ST18: variants seen among roughly 807,000 people sequenced by gnomAD.
ST18 encodes suppression of tumorigenicity 18 protein.
Under a neutral mutation model 110.0 loss-of-function variants are expected in ST18, and 50 were observed. The observed-to-expected ratio is 0.45, with a 90% CI of 0.36 to 0.58. The LOEUF (loss-of-function observed/expected upper bound fraction) is 0.58. Ranked by LOEUF, ST18 falls within the 20% of genes least tolerant of loss-of-function variation. The probability of loss-of-function intolerance (pLI) is 0.00; values close to 1 mark genes in which losing one functional copy is unlikely to be tolerated. For synonymous variants in ST18, 461 were observed against 452.4 expected (o/e 1.02, Z -0.24); for missense variants, 1,306 against 1,280.1 (o/e 1.02, Z -0.31).
At chr8:52,229,230 A>G (rs2090559702) in intron 3 of ST18, among the ~76,000 whole-genome samples, 1 of 152,204 alleles carries the variant, frequency 6.6e-6, no homozygotes, top group Non-Finnish European at 1.5e-5. Context: ...TGCTGCCATA[A>G]CAAATTTTTA....
Position 52,164,035 on chromosome 8 carries a change from T to G in ST18, c.1351A>C (p.Asn451His). 1 of 1,614,064 alleles carries G rather than the reference T, an allele frequency of 6.2e-7. No individual in the cohort carries two copies. Among genetic ancestry groups the G allele is most frequent in the South Asian group, 1.1e-5 (1 of 91,070 alleles). Residue 451 changes from asparagine to histidine, a missense_variant, in exon 13 of 26, where the codon AAT becomes CAT. Physicochemically the swap from Asn to His is moderately conservative, Grantham distance 68. Coordinates refer to ENST00000689386, the MANE Select transcript of ST18 (RefSeq NM_001352837.2). ...AEKLAMSQDK[N>H]QLDSPQTGQC... ...CCAGTTTGGGGAGAATCAAGCTGATTTTTATCCTGGGACATTGCCAATTTT... is the reference window on the plus strand; with the variant it reads ...CCAGTTTGGGGAGAATCAAGCTGATGTTTATCCTGGGACATTGCCAATTTT...
At chr8:52,395,543 G>T (rs1840793902) in intron 2 of ST18, among the ~76,000 whole-genome samples, 1 of 152,190 alleles carries the variant, frequency 6.6e-6, no homozygotes, top group African/African-American at 2.4e-5. Context: ...CTAGAACCAT[G>T]TCTGGTGAAT....
intron 2 of ST18, among the ~76,000 whole-genome samples, chr8:52,365,970 G>C (rs538180327): frequency 1.1e-3 from 168 of 152,116 alleles, no homozygotes; most frequent in African/African-American, 3.9e-3. Flanking sequence ...CCAAAGCCAG[G>C]CACAGTTTTG....
intron 2 of ST18, among the ~76,000 whole-genome samples, chr8:52,381,778 G>A (rs1338095634): frequency 6.6e-6 from 1 of 152,046 alleles, no homozygotes; most frequent in African/African-American, 2.4e-5. Context: ...TCTCCCATCT[G>A]AGGCCAACCT....
Position 52,133,057 on chromosome 8 carries a change from T to C in ST18, c.2444A>G (p.Lys815Arg). The C allele has an allele frequency of 6.2e-7, 1 of 1,614,156 alleles. No individual in the cohort carries two copies. Among genetic ancestry groups the C allele is most frequent in the Non-Finnish European group, 8.5e-7 (1 of 1,180,014 alleles). ...CCCATGTCTCAACTGTTGCACTTAC[T>C]TCAGTTCAGGGTCTTCTTTTTCTTC... Reference protein sequence around the residue: ...TKEEKEDPELKCPVIGCDGQG... With the variant: ...TKEEKEDPELRCPVIGCDGQG... Residue 815 changes from lysine (K) to arginine (R), a missense_variant and splice_region_variant, in exon 21 of 26, where the codon AAA becomes AGA. Physicochemically the swap from Lys to Arg is conservative, Grantham distance 26. Transcript: ENST00000689386.
intron 8 of ST18, among the ~76,000 whole-genome samples, chr8:52,191,393 A>G (rs2074416712): frequency 6.6e-6 from 1 of 152,202 alleles, no homozygotes; most frequent in Non-Finnish European, 1.5e-5. Context: ...TCACCAAGTC[A>G]TAATGTCAAG....
At chr8:52,165,630 T>C (rs879738126) in intron 11 of ST18, among the ~76,000 whole-genome samples, 1 of 152,216 alleles carries the variant, frequency 6.6e-6, no homozygotes, top group Non-Finnish European at 1.5e-5. Context: ...ATTTTCTAAG[T>C]GATATCATTT....
chr8:52,388,774 A>T (rs1328327913), intron 2 of ST18, among the ~76,000 whole-genome samples: 2 of 130,822 alleles, frequency 1.5e-5, no homozygotes, highest in South Asian at 2.6e-4. Context: ...CAAGCAACAC[A>T]TGGACACAGG....
chr8:52,222,006 C>T (rs2086945567), intron 3 of ST18: 1 of 152,096 alleles, frequency 6.6e-6, no homozygotes, highest in Non-Finnish European at 1.5e-5. Flanking sequence ...CTGCCTATTC[C>T]CCTTTGTTTG....
chr8:52,321,699 G>C (rs145724161), intron 2 of ST18, among the ~76,000 whole-genome samples: 1,596 of 152,250 alleles, frequency 0.01, 21 homozygotes, highest in Admixed American at 0.03. Context: ...ATTTCACAAT[G>C]CCTGTCAAAA....
At chr8:52,371,387 A>C (rs918561887) in intron 2 of ST18, among the ~76,000 whole-genome samples, 1 of 152,232 alleles carries the variant, frequency 6.6e-6, no homozygotes, top group Admixed American at 6.5e-5. Context: ...TTTGATTACT[A>C]TTGAACATCA....
chr8:52,243,674 C>A (rs367733065), intron 2 of ST18, among the ~76,000 whole-genome samples: 9 of 152,132 alleles, frequency 5.9e-5, no homozygotes, highest in African/African-American at 2.2e-4. Context: ...GAACTTGACA[C>A]CATGCCTGGC....
At chr8:52,257,661 C>T (rs531943035) in intron 2 of ST18, among the ~76,000 whole-genome samples, 72 of 152,140 alleles carry the variant, frequency 4.7e-4, no homozygotes, top group Non-Finnish European at 9.3e-4. Flanking sequence ...GTTGTAGATG[C>T]TCTTTCTATA....
At chr8:52,372,193 A>G (rs1564603078) in intron 2 of ST18, among the ~76,000 whole-genome samples, 1 of 152,162 alleles carries the variant, frequency 6.6e-6, no homozygotes, top group Non-Finnish European at 1.5e-5. Flanking sequence ...TTTTGGTCTT[A>G]GTTTTTAACA....
Position 52,166,935 on chromosome 8 carries a change from T to TCGGG in ST18, c.1120_1121insCCCG (p.Asp374AlafsTer35). The TCGGG allele has an allele frequency of 6.2e-7, 1 of 1,612,544 alleles. No homozygotes were observed. Among genetic ancestry groups the TCGGG allele is most frequent in the Non-Finnish European group, 8.5e-7 (1 of 1,178,782 alleles). Reference sequence around the variant, plus strand: ...GAGCCCTGTCACGTGTCCCGTGCCATCACATCCAGGGATCGGGCACTTGGT... The same window carrying TCGGG: ...GAGCCCTGTCACGTGTCCCGTGCCATCGGGCACATCCAGGGATCGGGCACTTGGT... On this transcript the variant is annotated frameshift_variant, in exon 11 of 26. Coordinates refer to ENST00000689386, the MANE Select transcript of ST18 (RefSeq NM_001352837.2). LOFTEE classifies it high-confidence loss of function.
At chr8:52,322,648 T>C (rs1234697809) in intron 2 of ST18, among the ~76,000 whole-genome samples, 1 of 152,220 alleles carries the variant, frequency 6.6e-6, no homozygotes, top group Non-Finnish European at 1.5e-5. Context: ...CTCAGTGTGA[T>C]CATGAAGCTG....
chr8:52,351,786 T>G (rs1820438726), intron 2 of ST18, among the ~76,000 whole-genome samples: 1 of 152,242 alleles, frequency 6.6e-6, no homozygotes, highest in Non-Finnish European at 1.5e-5. Flanking sequence ...TGATTTATTT[T>G]GAGGACAAAT....
chr8:52,199,457 G>A (rs1274368190), intron 8 of ST18: 1 of 152,076 alleles, frequency 6.6e-6, no homozygotes, highest in Non-Finnish European at 1.5e-5. Flanking sequence ...AGGGATCGTG[G>A]GGTTAAAAAC....
At chr8:52,168,289 G>A (rs570951853) in intron 10 of ST18, among the ~76,000 whole-genome samples, 11 of 150,154 alleles carry the variant, frequency 7.3e-5, no homozygotes, top group African/African-American at 2.7e-4. Context: ...GTGTGGTCCT[G>A]CCCGAGAAGA....
Sources: gnomAD v4.1 joint callset for allele counts (sites outside exome capture counted in the v4.1 genomes callset) on GRCh38, gnomAD v4.1.1 for gene constraint, MANE v1.5 for transcripts, NCBI Gene and HGNC (gene_info 2026-07-23, HGNC 2026-07-21) for gene names.